Variants in CLASP2 observed in about 807,000 individuals in gnomAD.
CLASP2 encodes CLIP-associating protein 2.
In CLASP2, 47 loss-of-function variants were observed where a neutral mutation model predicts 194.4. The ratio of observed to expected loss-of-function variants is 0.24; its 90% CI spans 0.19 to 0.31. The LOEUF (loss-of-function observed/expected upper bound fraction) is 0.31. Ranked by LOEUF, CLASP2 falls within the 10% of genes least tolerant of loss-of-function variation. The pLI, the probability that CLASP2 is intolerant of heterozygous loss-of-function variation, is 1.00. For synonymous variants in CLASP2, 619 were observed against 633.5 expected (o/e 0.98, Z 0.34); for missense variants, 1,445 against 1,823.6 (o/e 0.79, Z 3.78).
At chr3:33,638,842 A>C (rs914405192) in intron 8 of CLASP2, among the ~76,000 whole-genome samples, 3 of 152,184 alleles carry the variant, frequency 2.0e-5, no homozygotes, top group South Asian at 4.1e-4. Flanking sequence ...CATATGTGAG[A>C]TCTATAATAA....
intron 13 of CLASP2, among the ~76,000 whole-genome samples, chr3:33,611,463 T>C (rs2075164143): frequency 6.6e-6 from 1 of 152,218 alleles, no homozygotes; most frequent in Non-Finnish European, 1.5e-5. Flanking sequence ...ACTCTCTTGT[T>C]ATTCAGGTTT....
rs575321202 is a variant in CLASP2 at position 33,697,555 on chromosome 3, C to A, written c.196-622G>T. Reference sequence around the variant, plus strand: ...ATGGGACCACCATTGTATATACAGTCCATCATTGACCACAATGTTGTTATG... The same window carrying A: ...ATGGGACCACCATTGTATATACAGTACATCATTGACCACAATGTTGTTATG... On this transcript the variant is annotated intron_variant, in intron 1 of 38. Transcript: ENST00000682230. Among the ~76,000 whole-genome samples the A allele has an allele frequency of 7.2e-5, 11 of 152,256 alleles. No individual in the cohort carries two copies. The South Asian group carries it at 2.3e-3, about 32-fold the overall frequency.
intron 34 of CLASP2, among the ~76,000 whole-genome samples, chr3:33,534,229 T>C (rs2056900946): frequency 6.6e-6 from 1 of 152,120 alleles, no homozygotes; most frequent in Non-Finnish European, 1.5e-5. Context: ...AAAGTATTAA[T>C]GAATTAAGTA....
chr3:33,562,041 CT>C (rs550888030), intron 27 of CLASP2, among the ~76,000 whole-genome samples: 47 of 151,952 alleles, frequency 3.1e-4, no homozygotes, highest in East Asian at 1.5e-3. Flanking sequence ...TAGATGAACT[CT>C]TTTTTTTCTT....
chr3:33,576,115 T>C (rs2064831674), intron 24 of CLASP2, 54 bp downstream of exon 24: 1 of 1,412,344 alleles, frequency 7.1e-7, no homozygotes, highest in African/African-American at 1.4e-5. Context: ...GCCTACTCAT[T>C]CAACAGTTTC....
intron 16 of CLASP2, among the ~76,000 whole-genome samples, chr3:33,604,945 G>A (rs907050018): frequency 6.6e-6 from 1 of 152,216 alleles, no homozygotes; most frequent in African/African-American, 2.4e-5. Context: ...CACCTAAGTT[G>A]TAAGGTTGTA....
chr3:33,570,889 G>T, intron 25 of CLASP2, 99 bp from the exon 26 acceptor site: 7 of 921,498 alleles, frequency 7.6e-6, no homozygotes, highest in Non-Finnish European at 1.1e-5. Flanking sequence ...AAAAAAAAAA[G>T]GTTAGGTTGG....
chr3:33,530,452 AG>A (rs1363354379), intron 34 of CLASP2, among the ~76,000 whole-genome samples: 4 of 152,210 alleles, frequency 2.6e-5, no homozygotes, highest in African/African-American at 9.7e-5. Flanking sequence ...CCTAGGTGAC[AG>A]AGTAAGACCC....
chr3:33,572,319 G>A (rs1371058455), intron 25 of CLASP2, among the ~76,000 whole-genome samples: 3 of 152,192 alleles, frequency 2.0e-5, no homozygotes, highest in Non-Finnish European at 2.9e-5. Context: ...TTCATGACAT[G>A]TGATATGAAC....
chr3:33,544,426 CTA>C (rs1204454132), intron 31 of CLASP2, among the ~76,000 whole-genome samples: 1 of 152,160 alleles, frequency 6.6e-6, no homozygotes, highest in Non-Finnish European at 1.5e-5. Context: ...GTGCTCTCAT[CTA>C]TGTTTTGCTC....
At chr3:33,637,596 G>A (rs1418124300) in intron 8 of CLASP2, among the ~76,000 whole-genome samples, 1 of 152,070 alleles carries the variant, frequency 6.6e-6, no homozygotes, top group East Asian at 1.9e-4. Context: ...AACTCCAGGA[G>A]GCCAAGGTCT....
At chr3:33,603,234 A>C in intron 17 of CLASP2, 109 bp from the exon 18 acceptor site, 1 of 1,201,802 alleles carries the variant, frequency 8.3e-7, no homozygotes, top group Non-Finnish European at 1.1e-6. Context: ...GGTCAACAAA[A>C]AGGCTGTGGC....
intron 7 of CLASP2, among the ~76,000 whole-genome samples, chr3:33,662,242 A>G (rs1021028393): frequency 6.6e-6 from 1 of 152,192 alleles, no homozygotes; most frequent in Admixed American, 6.5e-5. Flanking sequence ...AATACCTTAG[A>G]TTTTATAGGT....
intron 7 of CLASP2, among the ~76,000 whole-genome samples, chr3:33,657,251 G>A (rs1420048911): frequency 6.6e-6 from 1 of 152,012 alleles, no homozygotes; most frequent in Non-Finnish European, 1.5e-5. Flanking sequence ...CTAATACGCA[G>A]GAGTATATAT....
intron 2 of CLASP2, among the ~76,000 whole-genome samples, chr3:33,695,769 A>T (rs2091831435): frequency 6.6e-6 from 1 of 152,078 alleles, no homozygotes; most frequent in Non-Finnish European, 1.5e-5. Context: ...ACAACACCCC[A>T]TCTCTATTTT....
intron 18 of CLASP2, among the ~76,000 whole-genome samples, chr3:33,599,193 C>T (rs1170877623): frequency 2.6e-5 from 4 of 152,228 alleles, no homozygotes; most frequent in African/African-American, 4.8e-5. Context: ...GGTGTGATCA[C>T]GGCTCACTGC....
chr3:33,710,393 C>T (rs1246667440), intron 1 of CLASP2, among the ~76,000 whole-genome samples: 1 of 152,070 alleles, frequency 6.6e-6, no homozygotes, highest in East Asian at 1.9e-4. Flanking sequence ...TACCAAATGC[C>T]ATTTTATTTC....
chr3:33,714,740 C>G (rs1044185670), intron 1 of CLASP2, among the ~76,000 whole-genome samples: 1 of 152,092 alleles, frequency 6.6e-6, no homozygotes, highest in Non-Finnish European at 1.5e-5. Context: ...TAAAACCCCC[C>G]ACTGTATTTA....
intron 1 of CLASP2, among the ~76,000 whole-genome samples, chr3:33,712,269 C>T (rs1019445116): frequency 3.3e-5 from 5 of 152,058 alleles, no homozygotes; most frequent in African/African-American, 9.7e-5. Flanking sequence ...AATCAAAGAT[C>T]GTATGTTCTC....
Sources: gnomAD v4.1 joint callset for allele counts (sites outside exome capture counted in the v4.1 genomes callset) on GRCh38, gnomAD v4.1.1 for gene constraint, MANE v1.5 for transcripts, NCBI Gene and HGNC (gene_info 2026-07-23, HGNC 2026-07-21) for gene names.